PPP1R14C: variants seen among roughly 807,000 people sequenced by gnomAD.
PPP1R14C encodes protein phosphatase 1 regulatory inhibitor subunit 14C, also known as protein phosphatase 1 regulatory subunit 14C.
A neutral mutation model predicts 20.4 loss-of-function variants in PPP1R14C; 16 were observed. The ratio of observed to expected loss-of-function variants is 0.78; its 90% CI spans 0.53 to 1.19. The LOEUF is 1.19. Ranked by LOEUF, PPP1R14C falls within the 50% of genes most tolerant of loss-of-function variation. The probability of loss-of-function intolerance (pLI) is 0.00; values close to 1 mark genes in which losing one functional copy is unlikely to be tolerated. For synonymous variants in PPP1R14C, 91 were observed against 91.0 expected (o/e 1.00, Z 0.00); for missense variants, 211 against 220.1 (o/e 0.96, Z 0.26).
chr6:150,234,232 A>G (rs1778326503), intron 3 of PPP1R14C, among the ~76,000 whole-genome samples: 1 of 152,104 alleles, frequency 6.6e-6, no homozygotes, highest in Admixed American at 6.5e-5. Context: ...TACTGACAAC[A>G]CCAAGTGTTG....
chr6:150,175,305 C>T (rs960280743), intron 1 of PPP1R14C, among the ~76,000 whole-genome samples: 8 of 152,060 alleles, frequency 5.3e-5, no homozygotes, highest in Non-Finnish European at 1.0e-4. Context: ...TGGAAGGGGC[C>T]CCCACTCTGA....
At chr6:150,175,776 C>G (rs1048059566) in intron 1 of PPP1R14C, among the ~76,000 whole-genome samples, 1 of 152,164 alleles carries the variant, frequency 6.6e-6, no homozygotes, top group Non-Finnish European at 1.5e-5. Context: ...AGGTATGAGG[C>G]TGGTGTTTTC....
intron 1 of PPP1R14C, among the ~76,000 whole-genome samples, chr6:150,193,899 C>G (rs1777774064): frequency 6.6e-6 from 1 of 152,066 alleles, no homozygotes; most frequent in Non-Finnish European, 1.5e-5. Context: ...GGCTGTGTCC[C>G]CACCCAAATC....
chr6:150,204,996 CT>C (rs10683235), intron 1 of PPP1R14C, among the ~76,000 whole-genome samples: 79 of 143,262 alleles, frequency 5.5e-4, no homozygotes, highest in African/African-American at 7.2e-4. Flanking sequence ...AACTCAGAGT[CT>C]TTTTTTTTTT....
At position 150,248,910 on chromosome 6, in the gene PPP1R14C, T is replaced by A; in HGVS notation, c.*90T>A. The A allele has an allele frequency of 1.4e-6, 1 of 735,598 alleles. No individual in the cohort carries two copies. Among genetic ancestry groups the A allele is most frequent in the Non-Finnish European group, 2.2e-6 (1 of 456,896 alleles). 45.6% of individuals were successfully genotyped at this position (735,598 alleles called of 1,614,324 possible). On this transcript the variant is annotated 3_prime_UTR_variant, in exon 4 of 4. Transcript: ENST00000361131. The stretch of plus-strand genomic sequence containing the variant: ...GACTTTTGTGAAAGAATAGGTGTCC[T>A]TATGAACAACGTTTTTGTTTTTTTT...
rs1204799250 is a variant in PPP1R14C, at chr6:150,185,240, AG to A, written c.307-29501del. On this transcript the variant is annotated intron_variant, in intron 1 of 3. Coordinates refer to ENST00000361131, the MANE Select transcript of PPP1R14C (RefSeq NM_030949.3). The surrounding 1 kb of genome is among the most constrained non-coding windows in gnomAD (Gnocchi z 4.1). ...TCAACAATGGTATTGCCTCTCTTAC[AG>A]GGTAGTTGTGAGGATGAAGGGGTTA... 6.6e-6 allele frequency among the ~76,000 whole-genome samples: 1 copy of A among 152,122 alleles called. No individual in the cohort carries two copies. Among genetic ancestry groups the A allele is most frequent in the African/African-American group, 2.4e-5 (1 of 41,418 alleles).
chr6:150,202,788 C>G (rs1030359574), intron 1 of PPP1R14C, among the ~76,000 whole-genome samples: 2 of 152,220 alleles, frequency 1.3e-5, no homozygotes, highest in Non-Finnish European at 2.9e-5. Context: ...AGGCCTGGCC[C>G]TCACCTTCCT....
chr6:150,174,618 G>T (rs919356949), intron 1 of PPP1R14C, among the ~76,000 whole-genome samples: 2 of 152,072 alleles, frequency 1.3e-5, no homozygotes, highest in Non-Finnish European at 1.5e-5. Flanking sequence ...CAGATATTCA[G>T]TGTTCAACGG....
chr6:150,161,461 A>G (rs1262339937), intron 1 of PPP1R14C, among the ~76,000 whole-genome samples: 1 of 152,226 alleles, frequency 6.6e-6, no homozygotes, highest in Non-Finnish European at 1.5e-5. Flanking sequence ...ATCAGCATCT[A>G]TATCAAGCTA....
At chr6:150,192,058 A>G (rs999519946) in intron 1 of PPP1R14C, among the ~76,000 whole-genome samples, 2 of 151,968 alleles carry the variant, frequency 1.3e-5, no homozygotes, top group Non-Finnish European at 2.9e-5. Flanking sequence ...ATACTACTGA[A>G]TCCTCTTCTC....
rs904442832 is a variant in PPP1R14C at position 150,202,399 on chromosome 6, T to A, written c.307-12345T>A. On this transcript the variant is annotated intron_variant, in intron 1 of 3. Transcript: ENST00000361131. ...CTCAGGCTGTCCTGGTGTCTGGCTT[T>A]GCTTCTCCCTCTCTCATTGGCACCC... 1.2e-4 allele frequency among the ~76,000 whole-genome samples: 19 copies of A among 152,358 alleles called. 1 individual carries two copies. The highest frequency in any genetic ancestry group is 1.2e-3 in the Admixed American group (18 of 15,304).
chr6:150,188,493 T>G (rs1028371801), intron 1 of PPP1R14C, among the ~76,000 whole-genome samples: 2 of 147,388 alleles, frequency 1.4e-5, no homozygotes, highest in Non-Finnish European at 3.0e-5. Flanking sequence ...TTTTTTTTTT[T>G]TTTTTTTTTT....
chr6:150,206,435 T>A (rs962171323), intron 1 of PPP1R14C, among the ~76,000 whole-genome samples: 3 of 152,074 alleles, frequency 2.0e-5, no homozygotes, highest in Admixed American at 6.5e-5. Context: ...GCTGCAGGGG[T>A]TTGCCTGGTG....
intron 3 of PPP1R14C, among the ~76,000 whole-genome samples, chr6:150,234,842 CTG>C (rs1249556699): frequency 1.1e-5 from 1 of 92,312 alleles, no homozygotes; most frequent in Non-Finnish European, 1.8e-5. Context: ...AAGTGAGACT[CTG>C]TCTCAAAAAA....
In PPP1R14C at chr6:150,228,109, A is replaced by G. The variant is rs548410883; in HGVS notation, c.423+11253A>G. Among the ~76,000 whole-genome samples the G allele has an allele frequency of 1.1e-4, 16 of 152,332 alleles. No homozygotes were observed. In the South Asian group the frequency reaches 3.3e-3, roughly 32 times the overall value. On this transcript the variant is annotated intron_variant, in intron 3 of 3. Transcript: ENST00000361131. The stretch of plus-strand genomic sequence containing the variant: ...GCACAAGCTCTACTTTAGAATATTT[A>G]TAAAGCTGATTAAGATTTATAAATT...
chr6:150,181,356 T>A (rs1376504337), intron 1 of PPP1R14C, among the ~76,000 whole-genome samples: 1 of 152,122 alleles, frequency 6.6e-6, no homozygotes, highest in Non-Finnish European at 1.5e-5. Flanking sequence ...TCTGTAGAGG[T>A]TATTATTATT....
intron 3 of PPP1R14C, among the ~76,000 whole-genome samples, chr6:150,234,848 CAAAAAAAAAAA>C (rs56139981): frequency 1.4e-4 from 6 of 41,834 alleles, no homozygotes; most frequent in African/African-American, 2.1e-4. Flanking sequence ...GACTCTGTCT[CAAAAAAAAAAA>C]AAAAAAAAAA....
At position 150,143,270 on chromosome 6, in the gene PPP1R14C, C is replaced by G. The variant is rs750084437; in HGVS notation, c.78C>G (p.Pro26=). 1 of 1,511,742 alleles carries G rather than the reference C, an allele frequency of 6.6e-7. No individual in the cohort carries two copies. Among genetic ancestry groups the G allele is most frequent in the East Asian group, 2.7e-5 (1 of 36,922 alleles). The allele number at this position is 1,511,742 out of a possible 1,614,324, so 93.6% of individuals were successfully genotyped here. ...GCGCACGGGTTTTCTTCCAAAGCCC[C>G]CGGGGTGGCGCCGGTGGCAGCCCCG... ...GGGARVFFQS[P]RGGAGGSPGS... The change falls in exon 1 of 4, where the codon CCC becomes CCG. Residue 26 remains proline, a synonymous_variant. Transcript: ENST00000361131. The surrounding 1 kb of genome is among the most constrained non-coding windows in gnomAD (Gnocchi z 5.6).
At chr6:150,176,507 A>G (rs542745922) in intron 1 of PPP1R14C, among the ~76,000 whole-genome samples, 1 of 152,302 alleles carries the variant, frequency 6.6e-6, no homozygotes, top group East Asian at 1.9e-4. Flanking sequence ...TACTTGAAAT[A>G]CCAGATAAGT....
Sources: gnomAD v4.1 joint callset for allele counts (sites outside exome capture counted in the v4.1 genomes callset) on GRCh38, gnomAD v4.1.1 for gene constraint, Gnocchi (gnomAD v3.1) non-coding constraint, MANE v1.5 for transcripts, NCBI Gene and HGNC (gene_info 2026-07-23, HGNC 2026-07-21) for gene names.